OPHN1: variants seen among roughly 807,000 people sequenced by gnomAD.
OPHN1 encodes the protein oligophrenin 1.
A neutral mutation model predicts 60.7 loss-of-function variants in OPHN1; 11 were observed. That is an observed-to-expected ratio of 0.18 (90% CI 0.11 to 0.30). The LOEUF (loss-of-function observed/expected upper bound fraction) is 0.30, where lower values mean the gene tolerates loss of function less well. Ranked by LOEUF, OPHN1 falls within the 10% of genes least tolerant of loss-of-function variation. The pLI is 1.00. For missense variants in OPHN1, 449 were observed against 611.0 expected (o/e 0.73, Z 2.80); for synonymous variants, 226 against 222.6 (o/e 1.02, Z -0.14).
At chrX:68,266,301 G>A (rs1299724597) in intron 5 of OPHN1, among the ~76,000 whole-genome samples, 2 of 111,774 alleles carry the variant, frequency 1.8e-5, no homozygotes, top group African/African-American at 6.5e-5. Context: ...ACCCACAAAG[G>A]GAAGTCCCTC....
At chrX:68,311,653 G>A (rs1419291235) in intron 2 of OPHN1, among the ~76,000 whole-genome samples, 3 of 111,984 alleles carry the variant, frequency 2.7e-5, no homozygotes, top group Admixed American at 9.5e-5. Context: ...AGCTGGTCTC[G>A]AGCTCCTGAC....
intron 12 of OPHN1, among the ~76,000 whole-genome samples, chrX:68,194,965 CAA>C (rs1159967989): frequency 1.5e-5 from 1 of 67,125 alleles, no homozygotes. Context: ...GAGACTCTGT[CAA>C]AAAAAAAAGA....
intron 19 of OPHN1, among the ~76,000 whole-genome samples, chrX:68,087,022 C>T (rs996067693): frequency 5.3e-5 from 6 of 112,211 alleles, no homozygotes; most frequent in Non-Finnish European, 9.4e-5. Context: ...AATAACTCCT[C>T]GGGTAGAAAC....
intron 2 of OPHN1, among the ~76,000 whole-genome samples, chrX:68,338,991 T>C (rs1433536460): frequency 9.4e-5 from 10 of 105,888 alleles, no homozygotes; most frequent in African/African-American, 3.1e-4. Context: ...GGCGGAAGGG[T>C]CACTTGAGCC....
At chrX:68,417,282 G>A (rs1038088768) in intron 2 of OPHN1, among the ~76,000 whole-genome samples, 9 of 110,955 alleles carry the variant, frequency 8.1e-5, no homozygotes, top group Admixed American at 6.7e-4. Context: ...TAGTAGATAC[G>A]GAGTTTTGCC....
At chrX:68,305,114 C>T (rs1259712573) in intron 2 of OPHN1, among the ~76,000 whole-genome samples, 1 of 111,590 alleles carries the variant, frequency 9.0e-6, no homozygotes, top group African/African-American at 3.3e-5. Context: ...CTTGGTGGCT[C>T]ATTCCTATAA....
chrX:68,427,060 T>C (rs772057093), intron 2 of OPHN1, among the ~76,000 whole-genome samples: 1 of 92,176 alleles, frequency 1.1e-5, no homozygotes, highest in South Asian at 5.7e-4. Context: ...GAGACCAGCC[T>C]GGACAGCATG....
intron 19 of OPHN1, among the ~76,000 whole-genome samples, chrX:68,095,434 G>A (rs2077034718): frequency 8.9e-6 from 1 of 112,365 alleles, no homozygotes; most frequent in Admixed American, 9.4e-5. Flanking sequence ...AAAGGCTTAA[G>A]TATTTATTAT....
intron 19 of OPHN1, among the ~76,000 whole-genome samples, chrX:68,083,097 G>A (rs768743760): frequency 4.4e-4 from 29 of 65,584 alleles, no homozygotes; most frequent in Admixed American, 1.6e-3. Context: ...ACGGAGTCTC[G>A]CTCTGTCGCC....
chrX:68,420,590 T>G (rs886520214), intron 2 of OPHN1, among the ~76,000 whole-genome samples: 1 of 111,095 alleles, frequency 9.0e-6, no homozygotes, highest in African/African-American at 3.3e-5. Flanking sequence ...AGATTTCACA[T>G]ATTTGGGGGA....
intron 2 of OPHN1, among the ~76,000 whole-genome samples, chrX:68,372,844 G>A (rs764160913): frequency 1.2e-4 from 13 of 110,563 alleles, no homozygotes; most frequent in Admixed American, 3.9e-4. Context: ...TCCTTTCTGC[G>A]TATCTTGCAC....
chrX:68,115,648 T>C (rs2077123848), intron 16 of OPHN1, among the ~76,000 whole-genome samples: 1 of 112,107 alleles, frequency 8.9e-6, no homozygotes, highest in South Asian at 3.7e-4. Flanking sequence ...CAAAAGCAGC[T>C]TCATTGGAGC....
chrX:68,059,770 G>A (rs2076886418), intron 21 of OPHN1, among the ~76,000 whole-genome samples: 1 of 111,320 alleles, frequency 9.0e-6, no homozygotes, highest in Admixed American at 9.5e-5. Flanking sequence ...CAAGACAGAG[G>A]AAAGGAGCTA....
chrX:68,218,044 G>T (rs1447684749), intron 6 of OPHN1, among the ~76,000 whole-genome samples: 5 of 80,728 alleles, frequency 6.2e-5, no homozygotes, highest in African/African-American at 1.9e-4. Context: ...AAATTTAGAA[G>T]AATGTATAAC....
chrX:68,316,661 C>T (rs1226177634), intron 2 of OPHN1, among the ~76,000 whole-genome samples: 3 of 111,252 alleles, frequency 2.7e-5, no homozygotes, highest in Non-Finnish European at 3.8e-5. Context: ...AATGTCAGAT[C>T]AAGTCCTTAT....
At chrX:68,205,981 T>TGTGTGTGA (rs530155979) in intron 10 of OPHN1, among the ~76,000 whole-genome samples, 1 of 94,799 alleles carries the variant, frequency 1.1e-5, no homozygotes, top group Non-Finnish European at 2.2e-5. Flanking sequence ...TGTGTGTGAG[T>TGTGTGTGA]GTGTGTGTGT....
chrX:68,061,498 C>T (rs939630225), intron 21 of OPHN1, among the ~76,000 whole-genome samples: 1 of 111,350 alleles, frequency 9.0e-6, no homozygotes, highest in Non-Finnish European at 1.9e-5. Flanking sequence ...AGGAAGGTCA[C>T]GACATGACTT....
At chrX:68,107,550 C>A (rs1252174847) in intron 18 of OPHN1, among the ~76,000 whole-genome samples, 8 of 111,686 alleles carry the variant, frequency 7.2e-5, no homozygotes, top group Non-Finnish European at 5.6e-5. Flanking sequence ...AATCTCGGCT[C>A]ACTGCAACCT....
chrX:68,304,008 T>C (rs1296479059), intron 2 of OPHN1, among the ~76,000 whole-genome samples: 1 of 111,698 alleles, frequency 9.0e-6, no homozygotes, highest in African/African-American at 3.3e-5. Flanking sequence ...CCACTTTCTA[T>C]TGCAATGCAG....
Sources: allele counts gnomAD v4.1 joint callset (sites outside exome capture counted in the v4.1 genomes callset), GRCh38; gene constraint gnomAD v4.1.1; transcripts MANE v1.5; gene names NCBI Gene and HGNC (gene_info 2026-07-23, HGNC 2026-07-21).